MAGI2: variants seen among roughly 807,000 people sequenced by gnomAD.
MAGI2 encodes membrane-associated guanylate kinase, WW and PDZ domain-containing protein 2.
A neutral mutation model predicts 133.3 loss-of-function variants in MAGI2; 35 were observed. The ratio of observed to expected loss-of-function variants is 0.26; its 90% CI spans 0.20 to 0.35. The LOEUF is 0.35. Ranked by LOEUF, MAGI2 falls within the 10% of genes least tolerant of loss-of-function variation. The pLI is 1.00. For synonymous variants in MAGI2, 729 were observed against 710.6 expected, an observed-to-expected ratio of 1.03 and a Z score of -0.41; for missense variants, 1,636 against 1,863.4, an observed-to-expected ratio of 0.88 and a Z score of 2.25.
At chr7:78,306,168 T>G (rs1172530601) in intron 9 of MAGI2, among the ~76,000 whole-genome samples, 1 of 152,200 alleles carries the variant, frequency 6.6e-6, no homozygotes, top group Admixed American at 6.5e-5. Flanking sequence ...TTGAAAGGCT[T>G]CTTCTTAGTT....
chr7:78,974,222 A>G (rs929936839), intron 2 of MAGI2, among the ~76,000 whole-genome samples: 2 of 151,802 alleles, frequency 1.3e-5, no homozygotes, highest in Admixed American at 6.6e-5. Context: ...ACCCTATTGA[A>G]TCTTTCATCC....
intron 9 of MAGI2, among the ~76,000 whole-genome samples, chr7:78,271,463 C>A (rs1195252847): frequency 6.6e-6 from 1 of 152,100 alleles, no homozygotes; most frequent in African/African-American, 2.4e-5. Flanking sequence ...ATGATGCTGT[C>A]CTCATAAAAT....
intron 6 of MAGI2, among the ~76,000 whole-genome samples, chr7:78,400,093 A>G (rs906954929): frequency 2.6e-5 from 4 of 152,160 alleles, no homozygotes; most frequent in African/African-American, 9.6e-5. Context: ...TTTCTGCCTC[A>G]CCATTGTTTT....
At chr7:78,155,971 G>T (rs1362618449) in intron 16 of MAGI2, among the ~76,000 whole-genome samples, 2 of 152,164 alleles carry the variant, frequency 1.3e-5, no homozygotes, top group African/African-American at 4.8e-5. Flanking sequence ...AGCTATGGAC[G>T]TATCTCCATC....
intron 9 of MAGI2, among the ~76,000 whole-genome samples, chr7:78,283,288 A>ATT (rs1402692925): frequency 7.9e-5 from 12 of 152,184 alleles, no homozygotes; most frequent in African/African-American, 2.9e-4. Context: ...TCAATAAAGA[A>ATT]TTTCGGATGA....
intron 2 of MAGI2, among the ~76,000 whole-genome samples, chr7:78,820,508 T>A (rs955348101): frequency 1.3e-5 from 2 of 151,934 alleles, no homozygotes; most frequent in Non-Finnish European, 2.9e-5. Flanking sequence ...GTACTAGTAA[T>A]TTTTATTTTC....
chr7:78,422,639 T>C (rs932956852), intron 6 of MAGI2, among the ~76,000 whole-genome samples: 1 of 151,500 alleles, frequency 6.6e-6, no homozygotes, highest in Non-Finnish European at 1.5e-5. Flanking sequence ...GTTGCAGATA[T>C]AAGAGAATAA....
At chr7:79,043,915 T>C (rs984023120) in intron 1 of MAGI2, among the ~76,000 whole-genome samples, 2 of 152,048 alleles carry the variant, frequency 1.3e-5, no homozygotes, top group African/African-American at 4.8e-5. Flanking sequence ...ATTAGAGTTG[T>C]GAAATTGAAT....
intron 2 of MAGI2, among the ~76,000 whole-genome samples, chr7:78,897,478 T>C (rs1330822372): frequency 6.6e-6 from 1 of 152,158 alleles, no homozygotes; most frequent in Non-Finnish European, 1.5e-5. Flanking sequence ...AATTTAAGAA[T>C]TTTGACTGTG....
chr7:79,263,617 A>G (rs1585366383), intron 1 of MAGI2, among the ~76,000 whole-genome samples: 1 of 152,166 alleles, frequency 6.6e-6, no homozygotes, highest in African/African-American at 2.4e-5. Context: ...TCCTGCAATC[A>G]TGAGACTTTT....
Position 79,042,453 on chromosome 7 carries a change from A to G in MAGI2, c.302-35247T>C, listed in dbSNP as rs552306645. On this transcript the variant is annotated intron_variant, in intron 1 of 21. Transcript: ENST00000354212. ...GTGAGATGCATCTCTTGAAGACAGCATATAGTTGGGTCTTGCTTCTTTATC... is the reference window on the plus strand; with the variant it reads ...GTGAGATGCATCTCTTGAAGACAGCGTATAGTTGGGTCTTGCTTCTTTATC... 8.5e-5 allele frequency among the ~76,000 whole-genome samples: 13 copies of G among 152,292 alleles called. No homozygotes were observed. The South Asian group carries it at 2.1e-3, about 24-fold the overall frequency.
At chr7:79,336,774 T>C (rs1840466101) in intron 1 of MAGI2, among the ~76,000 whole-genome samples, 1 of 152,124 alleles carries the variant, frequency 6.6e-6, no homozygotes, top group Non-Finnish European at 1.5e-5. Context: ...TTTTGGCAAA[T>C]GGCAGGATCT....
At chr7:79,275,521 G>A (rs1034007850) in intron 1 of MAGI2, among the ~76,000 whole-genome samples, 3 of 152,154 alleles carry the variant, frequency 2.0e-5, no homozygotes, top group Non-Finnish European at 2.9e-5. Context: ...AAAGTACAAG[G>A]TGCTAATGTG....
Position 78,699,089 on chromosome 7 carries a change from T to A in MAGI2, c.419-71850A>T, listed in dbSNP as rs191619470. On this transcript the variant is annotated intron_variant, in intron 2 of 21. Transcript: ENST00000354212. ...TGAGAGTGACACCTTTGCTTTCTGATGGCTCACTGTACACAAACTTTGCTG... is the reference window on the plus strand; with the variant it reads ...TGAGAGTGACACCTTTGCTTTCTGAAGGCTCACTGTACACAAACTTTGCTG... 3.2e-4 allele frequency among the ~76,000 whole-genome samples: 49 copies of A among 152,340 alleles called. No individual in the cohort carries two copies. The East Asian group carries it at 8.1e-3, about 25-fold the overall frequency.
At chr7:79,250,790 C>A (rs1563045775) in intron 1 of MAGI2, among the ~76,000 whole-genome samples, 1 of 152,078 alleles carries the variant, frequency 6.6e-6, no homozygotes, top group African/African-American at 2.4e-5. Flanking sequence ...ATAGTCAAAG[C>A]TATCTTTAGC....
chr7:79,117,554 G>T lies in MAGI2; in HGVS notation c.302-110348C>A, dbSNP rs554675334. On this transcript the variant is annotated intron_variant, in intron 1 of 21. Coordinates refer to ENST00000354212, the MANE Select transcript of MAGI2 (RefSeq NM_012301.4). ...TTCACAAATGGTACGAAGTCTTCTG[G>T]AAACTATATTTTTAGATGTTATTAT... Among the ~76,000 whole-genome samples the T allele has an allele frequency of 2.3e-3, 344 of 152,148 alleles. 2 individuals carry two copies. The highest frequency in any genetic ancestry group is 7.9e-3 in the African/African-American group (330 of 41,538).
chr7:79,416,804 A>C (rs1846562547), intron 1 of MAGI2, among the ~76,000 whole-genome samples: 1 of 136,558 alleles, frequency 7.3e-6, no homozygotes, highest in South Asian at 2.2e-4. Flanking sequence ...GCGCAATCTC[A>C]GCTCACTGCA....
intron 2 of MAGI2, among the ~76,000 whole-genome samples, chr7:78,800,808 T>C (rs1242331879): frequency 6.6e-6 from 1 of 152,080 alleles, no homozygotes; most frequent in African/African-American, 2.4e-5. Flanking sequence ...TCAGTTTTTG[T>C]GATCAATGGC....
At chr7:78,613,856 C>A (rs984113908) in intron 3 of MAGI2, among the ~76,000 whole-genome samples, 1 of 152,090 alleles carries the variant, frequency 6.6e-6, no homozygotes, top group African/African-American at 2.4e-5. Context: ...TGCCTGTAAT[C>A]CCGGCACTTT....
Sources: gnomAD v4.1 joint callset for allele counts (sites outside exome capture counted in the v4.1 genomes callset) on GRCh38, gnomAD v4.1.1 for gene constraint, MANE v1.5 for transcripts, NCBI Gene and HGNC (gene_info 2026-07-23, HGNC 2026-07-21) for gene names.